TANC1: variants seen among roughly 807,000 people sequenced by gnomAD.
TANC1 encodes the protein tetratricopeptide repeat, ankyrin repeat and coiled-coil containing 1.
Under a neutral mutation model 149.7 loss-of-function variants are expected in TANC1, and 77 were observed. The ratio of observed to expected loss-of-function variants is 0.51; its 90% CI spans 0.43 to 0.62. The LOEUF is 0.62. TANC1 is among the 20% of genes least tolerant of loss of function. TANC1 has a pLI of 0.00. For synonymous variants in TANC1, 854 were observed against 925.0 expected (o/e 0.92, Z 1.39); for missense variants, 1,985 against 2,321.8 (o/e 0.85, Z 2.98).
intron 22 of TANC1, 145 bp from the exon 23 acceptor site, chr2:159,224,087 G>C: frequency 1.1e-6 from 1 of 937,850 alleles, no homozygotes; most frequent in Non-Finnish European, 1.6e-6. Flanking sequence ...TCTCTGTTTC[G>C]TGTCCACTTT....
At chr2:158,989,244 C>T (rs942696489) in intron 1 of TANC1, among the ~76,000 whole-genome samples, 9 of 152,080 alleles carry the variant, frequency 5.9e-5, no homozygotes, top group Admixed American at 2.0e-4. Flanking sequence ...CAAGGTCGCT[C>T]ATGCCTATAA....
intron 19 of TANC1, among the ~76,000 whole-genome samples, chr2:159,203,931 G>A (rs1408388595): frequency 6.6e-6 from 1 of 152,054 alleles, no homozygotes; most frequent in Middle Eastern, 3.2e-3. Context: ...ACACCATTGT[G>A]TATGGCAACC....
chr2:159,054,414 T>C (rs1319447000), intron 2 of TANC1, among the ~76,000 whole-genome samples: 1 of 152,188 alleles, frequency 6.6e-6, no homozygotes, highest in African/African-American at 2.4e-5. Flanking sequence ...TGGGTGATTC[T>C]AATCACCCTG....
intron 9 of TANC1, among the ~76,000 whole-genome samples, chr2:159,169,577 C>T (rs1283079936): frequency 1.3e-5 from 2 of 152,132 alleles, no homozygotes; most frequent in Admixed American, 1.3e-4. Flanking sequence ...GATTAACTTG[C>T]TTCTGGAATT....
intron 22 of TANC1, among the ~76,000 whole-genome samples, chr2:159,223,390 G>T (rs1158341121): frequency 6.6e-6 from 1 of 152,052 alleles, no homozygotes; most frequent in Non-Finnish European, 1.5e-5. Flanking sequence ...CATTTTTGTA[G>T]AAATCTATTC....
At chr2:159,217,732 CTGTT>C (rs1242221713) in intron 20 of TANC1, 102 bp downstream of exon 20, 2 of 1,434,506 alleles carry the variant, frequency 1.4e-6, no homozygotes, top group Non-Finnish European at 1.9e-6. Flanking sequence ...CTGAGCCTGT[CTGTT>C]CCCCATCCTC....
At chr2:159,004,466 A>AT (rs1409760839) in intron 2 of TANC1, 2 of 709,440 alleles carry the variant, frequency 2.8e-6, no homozygotes, top group African/African-American at 3.6e-5. Flanking sequence ...TTTGTTCAGC[A>AT]TTTTTCAGTC....
intron 3 of TANC1, among the ~76,000 whole-genome samples, chr2:159,094,743 C>T (rs2045906722): frequency 8.2e-6 from 1 of 122,434 alleles, no homozygotes; most frequent in African/African-American, 3.3e-5. Context: ...TGCTAGCTAG[C>T]AAAAGAGGGT....
chr2:159,158,182 T>G (rs1559364037), intron 7 of TANC1, among the ~76,000 whole-genome samples: 1 of 151,728 alleles, frequency 6.6e-6, no homozygotes, highest in Admixed American at 6.6e-5. Context: ...ATAGGGAGAT[T>G]TTGTTTCTAC....
At chr2:159,059,602 T>A (rs981696975) in intron 2 of TANC1, among the ~76,000 whole-genome samples, 1 of 152,164 alleles carries the variant, frequency 6.6e-6, no homozygotes, top group African/African-American at 2.4e-5. Flanking sequence ...CCCCGCACCC[T>A]GACACACTTT....
At chr2:159,131,107 G>A (rs1053793550) in intron 4 of TANC1, among the ~76,000 whole-genome samples, 4 of 151,956 alleles carry the variant, frequency 2.6e-5, no homozygotes, top group African/African-American at 7.3e-5. Context: ...TCTTCCTGCC[G>A]TGGCCTATAA....
Position 159,172,107 on chromosome 2 carries a change from G to A in TANC1, c.1352-14G>A, listed in dbSNP as rs772852417. On this transcript the variant is annotated splice_polypyrimidine_tract_variant and intron_variant, in intron 10 of 26. Transcript: ENST00000263635. Reference sequence around the variant, plus strand: ...TACTGTGATGTACATAATGAAATGGGTCTTTCTCTGCAGCCTCTGACCCCA... The same window carrying A: ...TACTGTGATGTACATAATGAAATGGATCTTTCTCTGCAGCCTCTGACCCCA... 2.5e-6 allele frequency: 4 copies of A among 1,613,100 alleles called. No individual in the cohort carries two copies. Among genetic ancestry groups the A allele is most frequent in the Non-Finnish European group, 8.5e-7 (1 of 1,179,316 alleles).
At chr2:158,977,612 ATT>A (rs59088769) in intron 1 of TANC1, among the ~76,000 whole-genome samples, 57 of 142,972 alleles carry the variant, frequency 4.0e-4, no homozygotes, top group Non-Finnish European at 4.2e-4. Flanking sequence ...TGCCTGGCTA[ATT>A]TTTTTTTTTT....
intron 2 of TANC1, among the ~76,000 whole-genome samples, chr2:159,021,435 TA>T (rs1025184155): frequency 6.6e-6 from 1 of 152,050 alleles, no homozygotes; most frequent in African/African-American, 2.4e-5. Context: ...TAGAACTTAT[TA>T]AAAATAGGGA....
chr2:158,989,722 AT>A (rs2035414693), intron 1 of TANC1, among the ~76,000 whole-genome samples: 5 of 152,076 alleles, frequency 3.3e-5, no homozygotes, highest in African/African-American at 1.2e-4. Context: ...AGTATCCATA[AT>A]AATTATGAAG....
At chr2:159,219,515 C>A (rs2303334) in intron 21 of TANC1, 154 bp downstream of exon 21, 26 of 1,244,986 alleles carry the variant, frequency 2.1e-5, no homozygotes, top group Middle Eastern at 3.8e-4. Flanking sequence ...AGCCACATGC[C>A]TGGTATTCCT....
chr2:159,036,071 C>T (rs1017958788), intron 2 of TANC1, among the ~76,000 whole-genome samples: 2 of 152,100 alleles, frequency 1.3e-5, no homozygotes, highest in Non-Finnish European at 2.9e-5. Context: ...GAGGAGTCTC[C>T]CTTTTCTGCT....
At chr2:158,973,658 AG>A (rs1279460215) in intron 1 of TANC1, among the ~76,000 whole-genome samples, 2 of 152,224 alleles carry the variant, frequency 1.3e-5, no homozygotes, top group Admixed American at 1.3e-4. Context: ...TATCCCACAA[AG>A]AAGAGGGTTA....
At chr2:159,101,318 A>G (rs1206496494) in intron 4 of TANC1, among the ~76,000 whole-genome samples, 2 of 152,230 alleles carry the variant, frequency 1.3e-5, no homozygotes, top group African/African-American at 4.8e-5. Flanking sequence ...TCTGAACAAC[A>G]CAGCCTGTAA....
Sources: allele counts gnomAD v4.1 joint callset (sites outside exome capture counted in the v4.1 genomes callset), GRCh38; gene constraint gnomAD v4.1.1; transcripts MANE v1.5; gene names NCBI Gene and HGNC (gene_info 2026-07-23, HGNC 2026-07-21).